Variants in MYH10 observed in about 807,000 individuals in gnomAD.
MYH10 encodes myosin-10.
Under a neutral mutation model 257.8 loss-of-function variants are expected in MYH10, and 55 were observed. The observed-to-expected ratio is 0.21, with a 90% confidence interval of 0.17 to 0.27. The LOEUF is 0.27. MYH10 is among the 10% of genes least tolerant of loss of function. MYH10 has a pLI of 1.00. For synonymous variants in MYH10, 854 were observed against 921.7 expected (o/e 0.93, Z 1.33); for missense variants, 1,631 against 2,500.6 (o/e 0.65, Z 7.42).
intron 23 of MYH10, among the ~76,000 whole-genome samples, 159 bp downstream of exon 23, chr17:8,513,379 A>C (rs889083241): frequency 9.2e-5 from 14 of 152,250 alleles, no homozygotes; most frequent in Non-Finnish European, 1.8e-4. Context: ...CTCTATTGGC[A>C]AAATATATAC....
intron 32 of MYH10, 67 bp downstream of exon 32, chr17:8,493,666 C>T: frequency 6.6e-7 from 1 of 1,520,852 alleles, no homozygotes; most frequent in Admixed American, 2.1e-5. Context: ...CAGCCCAGCA[C>T]AGCAGGGCCA....
At chr17:8,585,177 G>A (rs764228701) in intron 4 of MYH10, among the ~76,000 whole-genome samples, 5 of 125,266 alleles carry the variant, frequency 4.0e-5, no homozygotes, top group Middle Eastern at 7.5e-3. Context: ...ATATATATAT[G>A]TGTGTGTGTG....
chr17:8,478,301 G>A, intron 41 of MYH10, 37 bp downstream of exon 41: 3 of 1,552,248 alleles, frequency 1.9e-6, no homozygotes, highest in Non-Finnish European at 2.7e-6. Context: ...CAGTTCCTTT[G>A]CTCACGCGCT....
At position 8,506,222 on chromosome 17, in the gene MYH10, A is replaced by T; in HGVS notation, c.3386+96T>A. On this transcript the variant is annotated intron_variant, in intron 27 of 42. Transcript: ENST00000360416. The surrounding 1 kb of genome is among the most constrained non-coding windows in gnomAD (Gnocchi z 5.0). ...CCAAACAGCAAGCAAACCCCATCTC[A>T]CTCTCCCAGGGTTTTTGAATGCTCC... is the stretch of plus-strand genomic sequence containing the variant. The T allele has an allele frequency of 1.5e-6, 2 of 1,293,592 alleles. No homozygotes were observed. Among genetic ancestry groups the T allele is most frequent in the Non-Finnish European group, 2.1e-6 (2 of 970,690 alleles). The allele number at this position is 1,293,592 out of a possible 1,614,324, so 80.1% of individuals were successfully genotyped here.
In MYH10 at chr17:8,500,822, T is replaced by A. The variant is rs773489057; in HGVS notation, c.3744+4A>T. 8 of 1,611,810 alleles carry A rather than the reference T, an allele frequency of 5.0e-6. No individual in the cohort carries two copies. The highest frequency in any genetic ancestry group is 6.8e-6 in the Non-Finnish European group (8 of 1,179,730). The stretch of plus-strand genomic sequence containing the variant: ...GCCACAGCACACGGCAGGGCCTCCC[T>A]TACCCGCTTGGCCTGTTCCAGCTGC... On this transcript the variant is annotated splice_donor_region_variant and intron_variant, in intron 29 of 42. Transcript: ENST00000360416.
intron 1 of MYH10, among the ~76,000 whole-genome samples, chr17:8,630,251 G>C (rs2152118963): frequency 6.8e-6 from 1 of 148,082 alleles, no homozygotes; most frequent in African/African-American, 2.5e-5. Context: ...CCTCGACCTC[G>C]CGCCCCCAGG....
At chr17:8,520,469 C>T (rs1163073514) in intron 19 of MYH10, among the ~76,000 whole-genome samples, 1 of 152,048 alleles carries the variant, frequency 6.6e-6, no homozygotes, top group Admixed American at 6.6e-5. Flanking sequence ...GTACTCCAGC[C>T]TGGGTGACAG....
intron 6 of MYH10, among the ~76,000 whole-genome samples, chr17:8,571,509 G>A (rs112250571): frequency 0.018 from 2,710 of 152,196 alleles, 74 homozygotes; most frequent in African/African-American, 0.059. Context: ...GGGGCCAGGC[G>A]CGGTGGCTTA....
In MYH10 at chr17:8,490,283, G is replaced by A; in HGVS notation, c.4884+57C>T. 6.6e-7 allele frequency: 1 copy of A among 1,506,120 alleles called. No homozygotes were observed. Among genetic ancestry groups the A allele is most frequent in the Non-Finnish European group, 9.2e-7 (1 of 1,088,168 alleles). 93.3% of individuals were successfully genotyped at this position (1,506,120 alleles called of 1,614,324 possible). A position where few individuals can be genotyped will look rare whatever the true frequency, so the allele number is the denominator to read the frequency against. ...CACGAATGAACAGGATACTGACCCAGAGCTGGGCTTTGAGAGCCTGCACCC... is the reference window on the plus strand; with the variant it reads ...CACGAATGAACAGGATACTGACCCAAAGCTGGGCTTTGAGAGCCTGCACCC... On this transcript the variant is annotated intron_variant, in intron 35 of 42. Transcript: ENST00000360416. This position sits in a 1 kb window ranked among gnomAD's most constrained non-coding sequence, Gnocchi z 4.1.
chr17:8,524,756 T>C (rs1046926696), intron 17 of MYH10, among the ~76,000 whole-genome samples: 1 of 152,228 alleles, frequency 6.6e-6, no homozygotes, highest in African/African-American at 2.4e-5. Flanking sequence ...TGTCCCTGTG[T>C]AATGTAGCAG....
chr17:8,552,798 C>T lies in MYH10; in HGVS notation c.821-654G>A, dbSNP rs1461360543. Among the ~76,000 whole-genome samples, 1 of 152,220 alleles carries T rather than the reference C, an allele frequency of 6.6e-6. No individual in the cohort carries two copies. Among genetic ancestry groups the T allele is most frequent in the Non-Finnish European group, 1.5e-5 (1 of 68,050 alleles). ...GTCTTCCCTCTGCTGCTCTGAAGAA[C>T]CGGTGCGGCCAGTACCTACGCCTGC... On this transcript the variant is annotated intron_variant, in intron 8 of 42. Coordinates refer to ENST00000360416, the MANE Select transcript of MYH10 (RefSeq NM_001256012.3). The surrounding 1 kb of genome is among the most constrained non-coding windows in gnomAD (Gnocchi z 4.8).
At chr17:8,611,496 G>A (rs755626277) in intron 2 of MYH10, among the ~76,000 whole-genome samples, 7 of 152,212 alleles carry the variant, frequency 4.6e-5, no homozygotes, top group Admixed American at 1.3e-4. Flanking sequence ...AATTAAAGAC[G>A]TGACTGAGAA....
At position 8,545,503 on chromosome 17, in the gene MYH10, C is replaced by T. The variant is rs1224229755; in HGVS notation, c.1376G>A (p.Arg459His). 15 of 1,614,130 alleles carry T rather than the reference C, an allele frequency of 9.3e-6. No homozygotes were observed. The highest frequency in any genetic ancestry group is 1.2e-5 in the Non-Finnish European group (14 of 1,180,026). Residue 459 changes from arginine to histidine, a missense_variant, in exon 13 of 43, where the codon CGT becomes CAT. Around this residue, in one of 11 missense-constraint regions of MYH10, gnomAD observed 360 missense variants for 581.9 expected, o/e 0.62. Transcript: ENST00000360416. The surrounding 1 kb of genome is among the most constrained non-coding windows in gnomAD (Gnocchi z 4.7). ...GATTCCAATGAAAGATGCTCCCTGA[C>T]GTTTGGTCCTATCCAGAGCTTTATT... Reference protein sequence around the residue: ...RINKALDRTKRQGASFIGILD... With the variant: ...RINKALDRTKHQGASFIGILD...
In MYH10 at chr17:8,610,271, C is replaced by CAAAAAAAAA. The variant is rs71361810; in HGVS notation, c.346-5298_346-5290dup. ...GTTTATAGGGAGCACCATAGGATTG[C>CAAAAAAAAA]AAAAAAAAAAAAAAAAAAAAAGGGT... On this transcript the variant is annotated intron_variant, in intron 2 of 42. Transcript: ENST00000360416. Among the ~76,000 whole-genome samples, 319 of 45,942 alleles carry CAAAAAAAAA rather than the reference C, an allele frequency of 6.9e-3. 82 individuals are homozygous for CAAAAAAAAA. Among genetic ancestry groups the CAAAAAAAAA allele is most frequent in the African/African-American group, 0.03 (291 of 9,832 alleles). 30.1% of individuals were successfully genotyped at this position (45,942 alleles called of 152,430 possible).
intron 3 of MYH10, among the ~76,000 whole-genome samples, chr17:8,597,891 T>G (rs1039318341): frequency 6.6e-6 from 1 of 152,174 alleles, no homozygotes; most frequent in Non-Finnish European, 1.5e-5. Context: ...GTGCTGAGAT[T>G]ACAGGCGTGA....
At chr17:8,527,289 T>C (rs767370287) in intron 17 of MYH10, among the ~76,000 whole-genome samples, 3 of 152,154 alleles carry the variant, frequency 2.0e-5, no homozygotes, top group Non-Finnish European at 2.9e-5. Context: ...AGGAAGCACA[T>C]GATTTAAGGA....
chr17:8,478,790 G>C (rs987479886), intron 40 of MYH10, among the ~76,000 whole-genome samples: 1 of 152,216 alleles, frequency 6.6e-6, no homozygotes, highest in Admixed American at 6.5e-5. Context: ...GGGTGCAGTG[G>C]CGCCATCTCT....
chr17:8,540,592 T>G (rs1019273959), intron 14 of MYH10, among the ~76,000 whole-genome samples: 7 of 152,194 alleles, frequency 4.6e-5, no homozygotes, highest in African/African-American at 1.7e-4. Context: ...TGGAAGACTT[T>G]CGGCACAATT....
At chr17:8,577,116 A>T (rs1418520977) in intron 5 of MYH10, 120 bp downstream of exon 5, 1 of 649,678 alleles carries the variant, frequency 1.5e-6, no homozygotes, top group African/African-American at 1.8e-5. Context: ...GGCGGGGAGC[A>T]GGTGGAGACA....
Sources: gnomAD v4.1 joint callset for allele counts (sites outside exome capture counted in the v4.1 genomes callset) on GRCh38, gnomAD v4.1.1 for gene constraint, gnomAD v4.1.1 regional missense constraint, Gnocchi (gnomAD v3.1) non-coding constraint, MANE v1.5 for transcripts, NCBI Gene and HGNC (gene_info 2026-07-23, HGNC 2026-07-21) for gene names.